The following CDK6 variants were observed in gnomAD, a reference collection of about 807,000 sequenced individuals.
CDK6 encodes cyclin dependent kinase 6.
A neutral mutation model predicts 37.1 loss-of-function variants in CDK6; 6 were observed. The ratio of observed to expected loss-of-function variants is 0.16; its 90% CI spans 0.09 to 0.32. CDK6 has a LOEUF of 0.32. CDK6 is among the 10% of genes least tolerant of loss of function. The pLI, the probability that CDK6 is intolerant of heterozygous loss-of-function variation, is 1.00. For missense variants in CDK6, 224 were observed against 418.9 expected (o/e 0.53, Z 4.06); for synonymous variants, 160 against 161.3 (o/e 0.99, Z 0.06).
intron 5 of CDK6, among the ~76,000 whole-genome samples, chr7:92,657,435 T>C (rs1313122259): frequency 6.6e-6 from 1 of 152,204 alleles, no homozygotes; most frequent in African/African-American, 2.4e-5. Context: ...GGAAGGAATA[T>C]CATAACTCAA....
intron 2 of CDK6, among the ~76,000 whole-genome samples, chr7:92,805,291 G>T (rs1336501780): frequency 6.6e-6 from 1 of 152,122 alleles, no homozygotes; most frequent in Non-Finnish European, 1.5e-5. Flanking sequence ...TGCTTTGGGG[G>T]TTAGTTGGTA....
At chr7:92,617,993 T>C (rs1241433499) in intron 7 of CDK6, 79 bp downstream of exon 7, 19 of 1,457,656 alleles carry the variant, frequency 1.3e-5, no homozygotes, top group Non-Finnish European at 1.6e-5. Flanking sequence ...GAACTGATAT[T>C]TGTGCCCACC....
At chr7:92,832,372 G>A (rs1232238611) in intron 2 of CDK6, among the ~76,000 whole-genome samples, 2 of 152,122 alleles carry the variant, frequency 1.3e-5, no homozygotes, top group African/African-American at 4.8e-5. Context: ...CCACATCTTG[G>A]ACTCACATTT....
At chr7:92,769,938 G>A (rs1799669595) in intron 3 of CDK6, among the ~76,000 whole-genome samples, 1 of 151,842 alleles carries the variant, frequency 6.6e-6, no homozygotes, top group Non-Finnish European at 1.5e-5. Context: ...AATTTATCAC[G>A]TACTCTAAAA....
intron 2 of CDK6, among the ~76,000 whole-genome samples, chr7:92,777,264 G>A (rs1004457578): frequency 1.6e-4 from 24 of 151,612 alleles, no homozygotes; most frequent in Admixed American, 9.2e-4. Flanking sequence ...AAGGAGTTTC[G>A]CTCTTGTTGC....
intron 4 of CDK6, among the ~76,000 whole-genome samples, chr7:92,688,216 T>A (rs577505918): frequency 1.3e-5 from 2 of 152,282 alleles, no homozygotes; most frequent in African/African-American, 4.8e-5. Context: ...CCACCAGAAA[T>A]GTATGAGAGT....
intron 2 of CDK6, among the ~76,000 whole-genome samples, chr7:92,789,453 T>C (rs1331563833): frequency 6.6e-6 from 1 of 152,180 alleles, no homozygotes; most frequent in African/African-American, 2.4e-5. Context: ...TAATTATAAG[T>C]CTACGTTAAT....
intron 6 of CDK6, 73 bp downstream of exon 6, chr7:92,622,963 G>T: frequency 2.3e-6 from 2 of 860,870 alleles, no homozygotes; most frequent in Non-Finnish European, 3.8e-6. Context: ...CACATGATAT[G>T]CATGTCAGAG....
At chr7:92,651,136 T>C (rs761332781) in intron 5 of CDK6, among the ~76,000 whole-genome samples, 6 of 152,168 alleles carry the variant, frequency 3.9e-5, no homozygotes, top group Non-Finnish European at 8.8e-5. Flanking sequence ...GGGATCCTCC[T>C]GCCACGGCCT....
At chr7:92,714,553 A>G (rs1798178245) in intron 4 of CDK6, among the ~76,000 whole-genome samples, 1 of 152,150 alleles carries the variant, frequency 6.6e-6, no homozygotes, top group East Asian at 1.9e-4. Flanking sequence ...ACAGTGGTCC[A>G]TGTTGTATGG....
chr7:92,766,183 G>C (rs1413834873), intron 3 of CDK6, among the ~76,000 whole-genome samples: 2 of 152,142 alleles, frequency 1.3e-5, no homozygotes, highest in African/African-American at 4.8e-5. Flanking sequence ...GGTCCCTCTG[G>C]TTGTTATACA....
intron 2 of CDK6, among the ~76,000 whole-genome samples, chr7:92,815,972 G>T (rs1801019233): frequency 6.6e-6 from 1 of 152,072 alleles, no homozygotes; most frequent in African/African-American, 2.4e-5. Flanking sequence ...GGCTAAACTA[G>T]CCTGGAAGCA....
intron 3 of CDK6, among the ~76,000 whole-genome samples, chr7:92,765,078 T>TTGAATTC (rs1310285369): frequency 6.6e-6 from 1 of 152,206 alleles, no homozygotes; most frequent in East Asian, 1.9e-4. Context: ...CTTTGAAGCT[T>TTGAATTC]CTAGTTCTCG....
chr7:92,674,395 T>A (rs1797159758), intron 4 of CDK6, among the ~76,000 whole-genome samples: 1 of 152,206 alleles, frequency 6.6e-6, no homozygotes, highest in African/African-American at 2.4e-5. Context: ...TGTTTATATC[T>A]GTAAATGCCT....
chr7:92,772,881 T>A (rs1277862440), intron 3 of CDK6, among the ~76,000 whole-genome samples: 2 of 152,142 alleles, frequency 1.3e-5, no homozygotes, highest in Non-Finnish European at 2.9e-5. Context: ...TTTAATATAA[T>A]GCTCAAAAGA....
Position 92,812,141 on chromosome 7 carries a change from A to AAAAAC in CDK6, c.233+20945_233+20949dup, listed in dbSNP as rs543908138. On this transcript the variant is annotated intron_variant, in intron 2 of 7. Transcript: ENST00000424848. ...GCAACAGAGTGAGACTCCAACTCAA[A>AAAAAC]AAAACAAAACAAAACAAAACAAAAC... is the stretch of plus-strand genomic sequence containing the variant. Among the ~76,000 whole-genome samples the AAAAAC allele has an allele frequency of 4.9e-4, 75 of 152,328 alleles. 1 individual carries two copies. In the South Asian group the frequency reaches 9.7e-3, roughly 20 times the overall value.
chr7:92,657,107 A>C (rs1796716564), intron 5 of CDK6, among the ~76,000 whole-genome samples: 1 of 148,000 alleles, frequency 6.8e-6, no homozygotes, highest in South Asian at 2.1e-4. Flanking sequence ...TTTTCTCTTA[A>C]AAAAAAAAAG....
rs1282829616 is a variant in CDK6, at chr7:92,609,348, A to G, written c.*5792T>C. On this transcript the variant is annotated 3_prime_UTR_variant, in exon 8 of 8. Transcript: ENST00000424848. ...TCTTTAAGTAGACTTGTAAATTTAA[A>G]AAAAGTATATAAAGTTGCCAAAAAA... 1 of 232,006 alleles carries G rather than the reference A, an allele frequency of 4.3e-6. No homozygotes were observed. The highest frequency in any genetic ancestry group is 8.5e-6 in the Non-Finnish European group (1 of 117,376). 14.4% of individuals were successfully genotyped at this position (232,006 alleles called of 1,614,324 possible). A position where few individuals can be genotyped will look rare whatever the true frequency, so the allele number is the denominator to read the frequency against.
At chr7:92,661,580 G>A (rs539210687) in intron 5 of CDK6, among the ~76,000 whole-genome samples, 1 of 152,268 alleles carries the variant, frequency 6.6e-6, no homozygotes, top group Admixed American at 6.5e-5. Flanking sequence ...AGAAAATCAT[G>A]AGAATGAGAA....
Sources: allele counts gnomAD v4.1 joint callset (sites outside exome capture counted in the v4.1 genomes callset), GRCh38; gene constraint gnomAD v4.1.1; transcripts MANE v1.5; gene names NCBI Gene and HGNC (gene_info 2026-07-23, HGNC 2026-07-21).